VRK2: variants seen among roughly 807,000 people sequenced by gnomAD.
The protein encoded by VRK2 is serine/threonine-protein kinase VRK2.
A neutral mutation model predicts 57.6 loss-of-function variants in VRK2; 60 were observed. That is an observed-to-expected ratio of 1.04 (90% CI 0.85 to 1.29). The LOEUF (loss-of-function observed/expected upper bound fraction) is 1.29, where lower values mean the gene tolerates loss of function less well. VRK2 is among the 50% of genes most tolerant of loss of function. The probability of loss-of-function intolerance (pLI) is 0.00; values close to 1 mark genes in which losing one functional copy is unlikely to be tolerated. For missense variants in VRK2, 705 were observed against 588.1 expected (o/e 1.20, Z -2.06); for synonymous variants, 231 against 199.2 (o/e 1.16, Z -1.35).
In VRK2 at chr2:58,015,859, G is replaced by A. The variant is rs191123120; in HGVS notation, c.-438-9806G>A. The stretch of plus-strand genomic sequence containing the variant: ...TAGAATATTGGAAATTATTACATAT[G>A]AAGTTCTTGATCTCTGTCTTCAGAC... On this transcript the variant is annotated intron_variant, in intron 1 of 15. Transcript: ENST00000417641. Among the ~76,000 whole-genome samples the A allele has an allele frequency of 1.4e-3, 211 of 152,176 alleles. 1 individual carries two copies. The highest frequency in any genetic ancestry group is 4.6e-3 in the African/African-American group (190 of 41,536).
intron 1 of VRK2, among the ~76,000 whole-genome samples, chr2:57,949,695 T>A (rs1234449876): frequency 2.6e-5 from 4 of 152,224 alleles, no homozygotes; most frequent in African/African-American, 9.7e-5. Flanking sequence ...AAGAGTTATA[T>A]GTCTGTCACT....
intron 1 of VRK2, among the ~76,000 whole-genome samples, chr2:57,973,189 C>T (rs1441459009): frequency 1.3e-5 from 2 of 151,826 alleles, no homozygotes; most frequent in African/African-American, 4.8e-5. Context: ...AGTTGTCAAA[C>T]TTTTGGATTT....
chr2:58,125,710 TACAG>T (rs1195383310), intron 8 of VRK2, among the ~76,000 whole-genome samples: 1 of 152,082 alleles, frequency 6.6e-6, no homozygotes, highest in African/African-American at 2.4e-5. Flanking sequence ...TATATGTAGA[TACAG>T]ATATAAATAT....
chr2:58,067,534 A>T (rs897334300), intron 2 of VRK2, among the ~76,000 whole-genome samples: 1 of 152,034 alleles, frequency 6.6e-6, no homozygotes, highest in African/African-American at 2.4e-5. Flanking sequence ...TTGTCTTGAT[A>T]CAAGTTTATA....
intron 3 of VRK2, among the ~76,000 whole-genome samples, chr2:58,034,816 T>C (rs1674224442): frequency 6.6e-6 from 1 of 151,982 alleles, no homozygotes; most frequent in Admixed American, 6.6e-5. Flanking sequence ...ACTTATTCCT[T>C]CAAAATATTT....
intron 1 of VRK2, among the ~76,000 whole-genome samples, chr2:57,950,644 C>T (rs1169125766): frequency 4.6e-5 from 7 of 152,158 alleles, no homozygotes; most frequent in African/African-American, 1.4e-4. Context: ...TTCTGCTGCT[C>T]ATGGATCTAG....
chr2:58,078,916 T>G (rs1670490752), intron 2 of VRK2, among the ~76,000 whole-genome samples: 1 of 152,178 alleles, frequency 6.6e-6, no homozygotes, highest in Admixed American at 6.6e-5. Flanking sequence ...TCAGGCAGTC[T>G]GCCTGCCTCG....
At chr2:58,141,187 C>T (rs527526663) in intron 11 of VRK2, among the ~76,000 whole-genome samples, 13 of 152,048 alleles carry the variant, frequency 8.5e-5, no homozygotes, top group South Asian at 2.1e-4. Flanking sequence ...ATTTCCTTGA[C>T]GTAGTATTTT....
Position 58,055,005 on chromosome 2 carries a change from T to C in VRK2, c.136+6038T>C, listed in dbSNP as rs545291377. ...TTTAACATCTTCGATCAAGTAATAC[T>C]TGAGGGAAATATTCTGTAGAAAGAC... is the stretch of plus-strand genomic sequence containing the variant. On this transcript the variant is annotated intron_variant, in intron 2 of 12. Transcript: ENST00000340157. 1.5e-3 allele frequency among the ~76,000 whole-genome samples: 227 copies of C among 152,286 alleles called. 2 individuals are homozygous for C. Among genetic ancestry groups the C allele is most frequent in the African/African-American group, 5.3e-3 (221 of 41,562 alleles).
intron 10 of VRK2, among the ~76,000 whole-genome samples, chr2:58,136,891 TGTG>T (rs1680162909): frequency 1.9e-5 from 1 of 51,988 alleles, no homozygotes; most frequent in Non-Finnish European, 3.3e-5. Flanking sequence ...ATCATATATA[TGTG>T]TATATATATC....
At chr2:57,949,194 C>A (rs1572895948) in intron 1 of VRK2, among the ~76,000 whole-genome samples, 1 of 152,136 alleles carries the variant, frequency 6.6e-6, no homozygotes, top group Non-Finnish European at 1.5e-5. Flanking sequence ...GAACAATTTT[C>A]TGCAAAAATA....
chr2:58,147,474 T>C (rs1001050176), intron 12 of VRK2, among the ~76,000 whole-genome samples: 2 of 151,922 alleles, frequency 1.3e-5, no homozygotes, highest in Admixed American at 6.6e-5. Flanking sequence ...AACTTAGAGA[T>C]TCTAAAAATC....
At chr2:57,971,791 T>C (rs564073844) in intron 1 of VRK2, among the ~76,000 whole-genome samples, 2 of 151,860 alleles carry the variant, frequency 1.3e-5, no homozygotes, top group South Asian at 2.1e-4. Context: ...GGCAATTTAA[T>C]AAAATAAAAA....
intron 1 of VRK2, among the ~76,000 whole-genome samples, chr2:57,913,741 T>G (rs564609169): frequency 6.6e-6 from 1 of 152,298 alleles, no homozygotes; most frequent in East Asian, 1.9e-4. Flanking sequence ...CATGTTTTAA[T>G]ACTGCAGAGA....
intron 1 of VRK2, among the ~76,000 whole-genome samples, chr2:57,956,827 T>C (rs1040327599): frequency 3.3e-5 from 5 of 152,184 alleles, no homozygotes; most frequent in African/African-American, 7.2e-5. Context: ...GTTACTTCCT[T>C]ATTAAAACAC....
chr2:57,909,389 C>T (rs564148442), intron 1 of VRK2, among the ~76,000 whole-genome samples: 6 of 152,132 alleles, frequency 3.9e-5, no homozygotes, highest in Non-Finnish European at 8.8e-5. Flanking sequence ...AAGTACTGCA[C>T]TCTTTCACTA....
intron 1 of VRK2, among the ~76,000 whole-genome samples, chr2:57,971,309 G>C (rs988023643): frequency 1.3e-5 from 2 of 151,974 alleles, no homozygotes; most frequent in Non-Finnish European, 2.9e-5. Flanking sequence ...TACCATTGAG[G>C]ATTGTCATGG....
intron 8 of VRK2, among the ~76,000 whole-genome samples, chr2:58,128,099 A>G (rs1678634366): frequency 6.6e-6 from 1 of 152,194 alleles, no homozygotes; most frequent in Admixed American, 6.5e-5. Context: ...GGAATGAAAT[A>G]ACTTGAAAGA....
chr2:57,988,080 G>C (rs1372129291), intron 1 of VRK2, among the ~76,000 whole-genome samples: 3 of 152,122 alleles, frequency 2.0e-5, no homozygotes, highest in African/African-American at 7.2e-5. Flanking sequence ...GATTGTAATG[G>C]TGGTGGTTAC....
Sources: gnomAD v4.1 joint callset for allele counts (sites outside exome capture counted in the v4.1 genomes callset) on GRCh38, gnomAD v4.1.1 for gene constraint, MANE v1.5 for transcripts, NCBI Gene and HGNC (gene_info 2026-07-23, HGNC 2026-07-21) for gene names.